Variants in AJAP1 observed in about 807,000 individuals in gnomAD.
AJAP1 encodes adherens junctions associated protein 1.
Under a neutral mutation model 35.0 loss-of-function variants are expected in AJAP1, and 5 were observed. That is an observed-to-expected ratio of 0.14 (90% CI 0.07 to 0.30). The LOEUF (loss-of-function observed/expected upper bound fraction) is 0.30, where lower values mean the gene tolerates loss of function less well. AJAP1 is among the 10% of genes least tolerant of loss of function. The pLI is 1.00. For missense variants in AJAP1, 586 were observed against 571.0 expected (o/e 1.03, Z -0.27); for synonymous variants, 284 against 249.3 (o/e 1.14, Z -1.31).
At chr1:4,740,397 T>TGGGGGAGGGGGAGGGGGAGGGAGGG in intron 2 of AJAP1, among the ~76,000 whole-genome samples, 1 of 142,998 alleles carries the variant, frequency 7.0e-6, no homozygotes, top group Non-Finnish European at 1.5e-5. Flanking sequence ...GGGGACAGAG[T>TGGGGGAGGGGGAGGGGGAGGGAGGG]TTCAGTTTTG....
chr1:4,731,450 G>A (rs1004703526), intron 2 of AJAP1, among the ~76,000 whole-genome samples: 2 of 152,162 alleles, frequency 1.3e-5, no homozygotes, highest in African/African-American at 4.8e-5. Flanking sequence ...TGTCACTGCC[G>A]GGCAGACCCA....
chr1:4,728,842 C>T (rs1328282304), intron 2 of AJAP1, among the ~76,000 whole-genome samples: 1 of 152,126 alleles, frequency 6.6e-6, no homozygotes, highest in East Asian at 1.9e-4. Flanking sequence ...TCTGGCCTCC[C>T]TGCCGATGGG....
At chr1:4,672,193 C>T (rs1639265875) in intron 1 of AJAP1, among the ~76,000 whole-genome samples, 1 of 152,134 alleles carries the variant, frequency 6.6e-6, no homozygotes, top group East Asian at 1.9e-4. Flanking sequence ...GTCACTTGGG[C>T]CCTGTAGAGC....
intron 5 of AJAP1, among the ~76,000 whole-genome samples, chr1:4,780,861 A>G (rs1642045527): frequency 1.3e-5 from 2 of 152,112 alleles, no homozygotes; most frequent in South Asian, 2.1e-4. Context: ...CTTTACATGC[A>G]GTGAACCCTG....
intron 2 of AJAP1, among the ~76,000 whole-genome samples, chr1:4,755,299 G>A (rs1001198124): frequency 3.3e-5 from 5 of 152,202 alleles, no homozygotes; most frequent in Non-Finnish European, 5.9e-5. Context: ...TGGGAAGTGG[G>A]TGCGGGGGAC....
intron 2 of AJAP1, among the ~76,000 whole-genome samples, chr1:4,746,706 C>G (rs577898052): frequency 7.2e-5 from 11 of 152,234 alleles, no homozygotes; most frequent in Non-Finnish European, 1.0e-4. Context: ...AATTCTATTC[C>G]TTGCAGCTCA....
At chr1:4,755,743 G>A (rs139307912) in intron 2 of AJAP1, among the ~76,000 whole-genome samples, 1,884 of 152,274 alleles carry the variant, frequency 0.012, 43 homozygotes, top group African/African-American at 0.043. Flanking sequence ...TTTCGCAATG[G>A]GGGAGAGAGA....
rs1642149941 is a variant in AJAP1 at position 4,785,730 on chromosome 1, C to T, written c.*3245C>T. On this transcript the variant is annotated 3_prime_UTR_variant, in exon 6 of 6. Transcript: ENST00000378191. ...GAGTCTAATAGTAGACACCTCCCAT[C>T]CCCCACCCAAGGCCTGGTCCTTTCC... The T allele has an allele frequency of 6.6e-6, 1 of 152,142 alleles. No homozygotes were observed. The highest frequency in any genetic ancestry group is 6.5e-5 in the Admixed American group (1 of 15,284). The allele number at this position is 152,142 out of a possible 1,614,324, so 9.4% of individuals were successfully genotyped here.
At position 4,734,391 on chromosome 1, in the gene AJAP1, TAAATC is replaced by T. The variant is rs950723594; in HGVS notation, c.829+21694_829+21698del. On this transcript the variant is annotated intron_variant, in intron 2 of 5. Coordinates refer to ENST00000378191, the MANE Select transcript of AJAP1 (RefSeq NM_018836.4). This position sits in a 1 kb window ranked among gnomAD's most constrained non-coding sequence, Gnocchi z 4.3. ...TGGGAAGAAGGCATTCCTCTGATCT[TAAATC>T]AGCAGAGGCAGAGGCCCCGAGAGGT... is the stretch of plus-strand genomic sequence containing the variant. 6.6e-6 allele frequency among the ~76,000 whole-genome samples: 1 copy of T among 152,134 alleles called. No individual in the cohort carries two copies. The highest frequency in any genetic ancestry group is 1.5e-5 in the Non-Finnish European group (1 of 68,022).
intron 2 of AJAP1, among the ~76,000 whole-genome samples, chr1:4,743,288 C>T (rs1641112374): frequency 6.6e-6 from 1 of 152,148 alleles, no homozygotes; most frequent in African/African-American, 2.4e-5. Context: ...GTCACAAAAG[C>T]AAAGACCTCA....
At chr1:4,668,076 G>T (rs952190037) in intron 1 of AJAP1, among the ~76,000 whole-genome samples, 3 of 152,118 alleles carry the variant, frequency 2.0e-5, no homozygotes, top group Admixed American at 1.3e-4. Flanking sequence ...TTAGCCAGGC[G>T]TGGTGGTATA....
chr1:4,769,879 A>C lies in AJAP1; in HGVS notation c.856A>C (p.Ile286Leu). ...SGLAVHQIITITVSLIMVIAA... is the reference protein window; with the variant it reads ...SGLAVHQIITLTVSLIMVIAA... ...TCTGGCTGTCCATCAGATCATCACCATCACCGTCTCCCTCATCATGGTCAT... is the reference window on the plus strand; with the variant it reads ...TCTGGCTGTCCATCAGATCATCACCCTCACCGTCTCCCTCATCATGGTCAT... The change falls in exon 3 of 6, where the codon ATC becomes CTC. Residue 286 changes from isoleucine (I) to leucine (L), a missense_variant. By Grantham distance (5) the Ile-to-Leu change is conservative. Coordinates refer to ENST00000378191, the MANE Select transcript of AJAP1 (RefSeq NM_018836.4). 1 of 1,613,926 alleles carries C rather than the reference A, an allele frequency of 6.2e-7. No homozygotes were observed. The highest frequency in any genetic ancestry group is 1.3e-5 in the African/African-American group (1 of 74,962).
rs1642215456 is a variant in AJAP1, at chr1:4,789,231, T to C, written c.*6746T>C. On this transcript the variant is annotated 3_prime_UTR_variant, in exon 6 of 6. Coordinates refer to ENST00000378191, the MANE Select transcript of AJAP1 (RefSeq NM_018836.4). This position sits in a 1 kb window ranked among gnomAD's most constrained non-coding sequence, Gnocchi z 4.4. The stretch of plus-strand genomic sequence containing the variant: ...TATAAATGACCTACTTGTCTTCTCA[T>C]GTAGGCTGGAATCAGAACCTACGTA... 6.6e-6 allele frequency: 1 copy of C among 152,220 alleles called. No individual in the cohort carries two copies. Among genetic ancestry groups the C allele is most frequent in the East Asian group, 1.9e-4 (1 of 5,192 alleles). The allele number at this position is 152,220 out of a possible 1,614,324, so 9.4% of individuals were successfully genotyped here.
intron 2 of AJAP1, among the ~76,000 whole-genome samples, chr1:4,714,405 C>G (rs1250950588): frequency 1.3e-5 from 2 of 152,214 alleles, no homozygotes; most frequent in African/African-American, 2.4e-5. Flanking sequence ...CAGCCATCAT[C>G]ATAGTAGGAT....
intron 1 of AJAP1, among the ~76,000 whole-genome samples, chr1:4,681,356 C>T (rs973050447): frequency 1.3e-5 from 2 of 152,214 alleles, no homozygotes; most frequent in African/African-American, 4.8e-5. Flanking sequence ...CAGCCCCAGG[C>T]CAAGGAAAGG....
chr1:4,673,351 T>G (rs1639288208), intron 1 of AJAP1, among the ~76,000 whole-genome samples: 1 of 152,202 alleles, frequency 6.6e-6, no homozygotes, highest in South Asian at 2.1e-4. Context: ...GTTCTCACAC[T>G]TTCTCATTTC....
intron 2 of AJAP1, among the ~76,000 whole-genome samples, chr1:4,754,087 A>C (rs112188982): frequency 6.6e-6 from 1 of 152,236 alleles, no homozygotes; most frequent in South Asian, 2.1e-4. Context: ...GCTATAGTCC[A>C]TGGACCAATC....
At chr1:4,775,750 C>T (rs555513511) in intron 5 of AJAP1, among the ~76,000 whole-genome samples, 1 of 152,332 alleles carries the variant, frequency 6.6e-6, no homozygotes, top group South Asian at 2.1e-4. Flanking sequence ...ATATGGGAAC[C>T]GAGCTGCCCT....
At chr1:4,733,705 C>G (rs1297521130) in intron 2 of AJAP1, among the ~76,000 whole-genome samples, 1 of 152,050 alleles carries the variant, frequency 6.6e-6, no homozygotes, top group African/African-American at 2.4e-5. Context: ...CCTGACCCAT[C>G]TCTGACCTGG....
Sources: gnomAD v4.1 joint callset for allele counts (sites outside exome capture counted in the v4.1 genomes callset) on GRCh38, gnomAD v4.1.1 for gene constraint, Gnocchi (gnomAD v3.1) non-coding constraint, MANE v1.5 for transcripts, NCBI Gene and HGNC (gene_info 2026-07-23, HGNC 2026-07-21) for gene names.